The following PGK1 variants were observed in gnomAD, a reference collection of about 807,000 sequenced individuals.
PGK1 encodes phosphoglycerate kinase 1, also known as PRP 2.
Under a neutral mutation model 26.9 loss-of-function variants are expected in PGK1, and 3 were observed. That is an observed-to-expected ratio of 0.11 (90% CI 0.05 to 0.29). The LOEUF (loss-of-function observed/expected upper bound fraction) is 0.29. Ranked by LOEUF, PGK1 falls within the 10% of genes least tolerant of loss-of-function variation. The probability of loss-of-function intolerance (pLI) is 1.00; values close to 1 mark genes in which losing one functional copy is unlikely to be tolerated. For synonymous variants in PGK1, 125 were observed against 115.3 expected, an observed-to-expected ratio of 1.08 and a Z score of -0.54; for missense variants, 270 against 314.7, an observed-to-expected ratio of 0.86 and a Z score of 1.07.
chrX:78,114,815 CCAAA>C (rs782693722), intron 4 of PGK1, among the ~76,000 whole-genome samples: 14 of 112,674 alleles, frequency 1.2e-4, no homozygotes, highest in Non-Finnish European at 2.2e-4. Flanking sequence ...AGATAACTCA[CCAAA>C]CAGATTACTG....
chrX:78,116,510 C>T (rs1268684091), intron 4 of PGK1, among the ~76,000 whole-genome samples: 8 of 111,893 alleles, frequency 7.1e-5, no homozygotes, highest in African/African-American at 1.9e-4. Flanking sequence ...TTAAAATGAA[C>T]ATCTGCTTTG....
In PGK1 at chrX:78,124,747, G is replaced by A. The variant is rs192043548; in HGVS notation, c.937-127G>A. The A allele has an allele frequency of 1.8e-3, 1,017 of 565,433 alleles. 1 individual carries two copies. Among genetic ancestry groups the A allele is most frequent in the Non-Finnish European group, 2.8e-3 (895 of 324,091 alleles). The allele number at this position is 565,433 out of a possible 1,213,427, so 46.6% of individuals were successfully genotyped here. The stretch of plus-strand genomic sequence containing the variant: ...TAAAGGGCATGAACAGGTTTATAAA[G>A]ACTGAAGGGTACTATTTGTTTCTAG... On this transcript the variant is annotated intron_variant, in intron 8 of 10. Coordinates refer to ENST00000373316, the MANE Select transcript of PGK1 (RefSeq NM_000291.4).
At chrX:78,106,964 A>G (rs2078275503) in intron 1 of PGK1, among the ~76,000 whole-genome samples, 1 of 110,749 alleles carries the variant, frequency 9.0e-6, no homozygotes, top group Non-Finnish European at 1.9e-5. Flanking sequence ...AATTGAGAGC[A>G]GAGAAAAAGT....
chrX:78,121,927 A>T (rs990467805), intron 6 of PGK1, among the ~76,000 whole-genome samples: 1 of 112,352 alleles, frequency 8.9e-6, no homozygotes, highest in Non-Finnish European at 1.9e-5. Context: ...CAGGCTGGGC[A>T]TGGTGGCTTA....
rs1557249060 is a variant in PGK1, at chrX:78,129,220, C to CCTATCATCTAT, written c.*3395_*3396insATCTATCTATC. ...CATAAAGAGCATACCCATGTGTGTA[C>CCTATCATCTAT]CTATCTATCTATCTATCTATCTATC... is the stretch of plus-strand genomic sequence containing the variant. On this transcript the variant is annotated 3_prime_UTR_variant, in exon 11 of 11. Transcript: ENST00000373316. 1.0e-5 allele frequency: 1 copy of CCTATCATCTAT among 100,035 alleles called. No homozygotes were observed. Among genetic ancestry groups the CCTATCATCTAT allele is most frequent in the Non-Finnish European group, 2.0e-5 (1 of 50,153 alleles). 8.2% of individuals were successfully genotyped at this position (100,035 alleles called of 1,213,427 possible).
At chrX:78,104,525 C>G in intron 1 of PGK1, 120 bp downstream of exon 1, 2 of 602,266 alleles carry the variant, frequency 3.3e-6, no homozygotes, top group Non-Finnish European at 2.8e-6. Flanking sequence ...CCCCAGGGGT[C>G]CTAGGCTTGG....
intron 1 of PGK1, among the ~76,000 whole-genome samples, chrX:78,105,527 C>G (rs1425808755): frequency 9.0e-6 from 1 of 111,435 alleles, no homozygotes; most frequent in African/African-American, 3.3e-5. Context: ...TGGGCTGGTT[C>G]AAATGAGGGC....
chrX:78,124,753 A>G lies in PGK1; in HGVS notation c.937-121A>G, dbSNP rs1189073743. Reference sequence around the variant, plus strand: ...GCATGAACAGGTTTATAAAGACTGAAGGGTACTATTTGTTTCTAGAAGAAA... The same window carrying G: ...GCATGAACAGGTTTATAAAGACTGAGGGGTACTATTTGTTTCTAGAAGAAA... On this transcript the variant is annotated intron_variant, in intron 8 of 10. Transcript: ENST00000373316. 5.2e-6 allele frequency: 3 copies of G among 577,153 alleles called. No homozygotes were observed. The African/African-American group carries it at 6.7e-5, about 13-fold the overall frequency. The allele number at this position is 577,153 out of a possible 1,213,427, so 47.6% of individuals were successfully genotyped here. A position where few individuals can be genotyped will look rare whatever the true frequency, so the allele number is the denominator to read the frequency against.
chrX:78,123,766 G>A (rs1319294767), intron 8 of PGK1, among the ~76,000 whole-genome samples: 1 of 110,120 alleles, frequency 9.1e-6, no homozygotes, highest in Non-Finnish European at 1.9e-5. Flanking sequence ...GCACCACCAT[G>A]CCCAGCTAAT....
chrX:78,109,724 C>T, intron 1 of PGK1, 143 bp from the exon 2 acceptor site: 1 of 511,526 alleles, frequency 2.0e-6, no homozygotes, highest in Non-Finnish European at 3.6e-6. Flanking sequence ...CATGACTAAC[C>T]ACTATTTTGA....
intron 6 of PGK1, among the ~76,000 whole-genome samples, chrX:78,120,373 A>G (rs2078348545): frequency 9.0e-6 from 1 of 110,965 alleles, no homozygotes; most frequent in Non-Finnish European, 1.9e-5. Context: ...ACACACGTAT[A>G]TATTCCTGAC....
chrX:78,107,096 C>G (rs1406994140), intron 1 of PGK1, among the ~76,000 whole-genome samples: 1 of 111,055 alleles, frequency 9.0e-6, no homozygotes, highest in Non-Finnish European at 1.9e-5. Context: ...GTGATAGAGA[C>G]TTGATATTCT....
Position 78,117,358 on chromosome X carries a change from C to T in PGK1, c.464C>T (p.Ser155Phe). 8.3e-7 allele frequency: 1 copy of T among 1,208,299 alleles called. No individual in the cohort carries two copies. The highest frequency in any genetic ancestry group is 1.1e-6 in the Non-Finnish European group (1 of 892,353). Residue 155 changes from serine (S) to phenylalanine (F), a missense_variant, in exon 5 of 11, where the codon TCC (serine) becomes TTC (phenylalanine). Physicochemically the swap from Ser to Phe is radical, Grantham distance 155. This residue lies in a region of PGK1 where 150 missense variants were observed against 154.6 expected (regional missense o/e 0.97). Coordinates refer to ENST00000373316, the MANE Select transcript of PGK1 (RefSeq NM_000291.4). ...ATAGAAGCTTTCCGAGCTTCACTTT[C>T]CAAGCTAGGGGATGTCTATGTCAAT... is the stretch of plus-strand genomic sequence containing the variant. The part of the protein sequence containing the change: ...AKIEAFRASL[S>F]KLGDVYVNDA...
At chrX:78,107,200 A>G (rs1220013110) in intron 1 of PGK1, among the ~76,000 whole-genome samples, 1 of 111,419 alleles carries the variant, frequency 9.0e-6, no homozygotes, top group Non-Finnish European at 1.9e-5. Flanking sequence ...TGTTCAACCC[A>G]TTTTCCCCCA....
chrX:78,109,142 AT>A (rs1170282282), intron 1 of PGK1, among the ~76,000 whole-genome samples: 1 of 110,996 alleles, frequency 9.0e-6, no homozygotes, highest in Non-Finnish European at 1.9e-5. Context: ...TGTCGTCTTG[AT>A]TACTTCCCTT....
intron 6 of PGK1, among the ~76,000 whole-genome samples, chrX:78,118,408 T>C (rs1364537389): frequency 9.2e-6 from 1 of 108,968 alleles, no homozygotes; most frequent in Non-Finnish European, 1.9e-5. Flanking sequence ...CAAAGTGAGA[T>C]CTCATGTCTA....
At chrX:78,123,159 G>T (rs2078364843) in intron 7 of PGK1, 36 bp from the exon 8 acceptor site, 1 of 1,100,477 alleles carries the variant, frequency 9.1e-7, no homozygotes, top group East Asian at 3.0e-5. Flanking sequence ...TCTTAGTATA[G>T]ATGCTGACCT....
rs1431603417 is a variant in PGK1 at position 78,113,609 on chromosome X, T to C, written c.117-135T>C. 8 of 572,766 alleles carry C rather than the reference T, an allele frequency of 1.4e-5. No individual in the cohort carries two copies. The African/African-American group carries it at 1.8e-4, about 13-fold the overall frequency. 47.2% of individuals were successfully genotyped at this position (572,766 alleles called of 1,213,427 possible). A position where few individuals can be genotyped will look rare whatever the true frequency, so the allele number is the denominator to read the frequency against. ...CATTTAACTTCTTAAGGACCACCAT[T>C]GAATTACTGATAGTAGATTTGAAGG... is the stretch of plus-strand genomic sequence containing the variant. On this transcript the variant is annotated intron_variant, in intron 2 of 10. Coordinates refer to ENST00000373316, the MANE Select transcript of PGK1 (RefSeq NM_000291.4).
At chrX:78,106,564 G>A (rs2078273649) in intron 1 of PGK1, 1 of 752,884 alleles carries the variant, frequency 1.3e-6, no homozygotes, top group Non-Finnish European at 1.6e-6. Context: ...GGCTTCCTGA[G>A]TAGTGGCTGC....
Sources: allele counts gnomAD v4.1 joint callset (sites outside exome capture counted in the v4.1 genomes callset), GRCh38; gene constraint gnomAD v4.1.1; regional missense constraint gnomAD v4.1.1; transcripts MANE v1.5; gene names NCBI Gene and HGNC (gene_info 2026-07-23, HGNC 2026-07-21).